ST18: variants seen among roughly 807,000 people sequenced by gnomAD.
ST18 encodes suppression of tumorigenicity 18 protein.
ST18 carries 50 observed loss-of-function variants against 110.0 expected under a neutral mutation model. That is an observed-to-expected ratio of 0.45 (90% CI 0.36 to 0.58). The LOEUF (loss-of-function observed/expected upper bound fraction) is 0.58. ST18 is among the 20% of genes least tolerant of loss of function. The probability of loss-of-function intolerance (pLI) is 0.00; values close to 1 mark genes in which losing one functional copy is unlikely to be tolerated. For missense variants in ST18, 1,306 were observed against 1,280.1 expected (o/e 1.02, Z -0.31); for synonymous variants, 461 against 452.4 (o/e 1.02, Z -0.24).
At chr8:52,137,619 T>A in intron 17 of ST18, 136 bp from the exon 18 acceptor site, 1 of 746,244 alleles carries the variant, frequency 1.3e-6, no homozygotes, top group Admixed American at 2.9e-5. Context: ...GAAGCTAGTG[T>A]ACCAAGGATT....
intron 18 of ST18, among the ~76,000 whole-genome samples, chr8:52,136,897 C>T (rs1174267130): frequency 6.6e-6 from 1 of 151,838 alleles, no homozygotes; most frequent in African/African-American, 2.4e-5. Context: ...CCCAATGAGA[C>T]CCCCCAACTC....
At chr8:52,132,929 C>G in intron 21 of ST18, 128 bp downstream of exon 21, 3 of 1,036,042 alleles carry the variant, frequency 2.9e-6, no homozygotes, top group Non-Finnish European at 4.3e-6. Flanking sequence ...TAGTTTGACT[C>G]TTGCTTATAT....
intron 5 of ST18, among the ~76,000 whole-genome samples, chr8:52,218,212 CCTCT>C (rs918163511): frequency 2.6e-5 from 4 of 151,642 alleles, no homozygotes; most frequent in Admixed American, 6.6e-5. Flanking sequence ...TTATAATATA[CCTCT>C]CTCTCTATAT....
chr8:52,253,670 C>A (rs139885523), intron 2 of ST18, among the ~76,000 whole-genome samples: 1 of 152,120 alleles, frequency 6.6e-6, no homozygotes, highest in African/African-American at 2.4e-5. Flanking sequence ...TTGTGTTAAC[C>A]TCTCATCCCT....
chr8:52,357,329 C>G (rs1482828371), intron 2 of ST18, among the ~76,000 whole-genome samples: 2 of 151,784 alleles, frequency 1.3e-5, no homozygotes, highest in Non-Finnish European at 2.9e-5. Context: ...CGTTTCTTAC[C>G]AGTGACTACT....
intron 17 of ST18, among the ~76,000 whole-genome samples, chr8:52,139,080 C>T (rs924551898): frequency 2.0e-5 from 3 of 151,410 alleles, no homozygotes; most frequent in Admixed American, 6.6e-5. Flanking sequence ...CATCCCTTTT[C>T]CTGGATAAGA....
At chr8:52,158,783 A>T in intron 15 of ST18, 115 bp downstream of exon 15, 2 of 1,188,468 alleles carry the variant, frequency 1.7e-6, no homozygotes, top group Non-Finnish European at 2.4e-6. Context: ...CAGGGAGGGG[A>T]TCGCTTCAGA....
chr8:52,247,138 CTAAG>C (rs2093927393), intron 2 of ST18, among the ~76,000 whole-genome samples: 1 of 152,090 alleles, frequency 6.6e-6, no homozygotes, highest in African/African-American at 2.4e-5. Flanking sequence ...GTCCTCTGAA[CTAAG>C]TATTTTAATA....
chr8:52,135,532 C>T (rs2051715530), intron 19 of ST18, among the ~76,000 whole-genome samples: 1 of 138,324 alleles, frequency 7.2e-6, no homozygotes, highest in Non-Finnish European at 1.5e-5. Flanking sequence ...TGCACTCCAG[C>T]CTGGGCACCT....
chr8:52,409,671 T>TC lies in ST18; in HGVS notation c.-714dup, dbSNP rs1469973920. On this transcript the variant is annotated 5_prime_UTR_variant, in exon 1 of 26. It removes the in-frame stop codon of an upstream open reading frame in the 5' UTR. Transcript: ENST00000689386. ...CACCCACAGTTACCTCAATTATTTT[T>TC]CTCTCCTTACCTCTAGTATTCCCCT... 1 of 152,230 alleles carries TC rather than the reference T, an allele frequency of 6.6e-6. No individual in the cohort carries two copies. The highest frequency in any genetic ancestry group is 2.4e-5 in the African/African-American group (1 of 41,442). The allele number at this position is 152,230 out of a possible 1,614,324, so 9.4% of individuals were successfully genotyped here.
rs2086843878 is a variant in ST18, at chr8:52,221,803, A to T, written c.-418-10T>A. The T allele has an allele frequency of 6.6e-6, 1 of 152,118 alleles. No individual in the cohort carries two copies. Among genetic ancestry groups the T allele is most frequent in the Non-Finnish European group, 1.5e-5 (1 of 68,026 alleles). 9.4% of individuals were successfully genotyped at this position (152,118 alleles called of 1,614,324 possible). ...TCAGCAACTGTAGTTCCTGGGGAAA[A>T]ATGGAGATAAAACTCTCAAGTGATA... On this transcript the variant is annotated splice_polypyrimidine_tract_variant and intron_variant, in intron 3 of 25. Transcript: ENST00000689386.
chr8:52,180,323 T>A lies in ST18; in HGVS notation c.87-11A>T, dbSNP rs746088845. The A allele has an allele frequency of 6.2e-7, 1 of 1,613,174 alleles. No homozygotes were observed. Among genetic ancestry groups the A allele is most frequent in the South Asian group, 1.1e-5 (1 of 91,050 alleles). On this transcript the variant is annotated splice_polypyrimidine_tract_variant and intron_variant, in intron 8 of 25. Transcript: ENST00000689386. Reference sequence around the variant, plus strand: ...CAATCATAGGCAACACTGTAGTGATTGAGGAAAATTAAGAATATGGTAAAT... The same window carrying A: ...CAATCATAGGCAACACTGTAGTGATAGAGGAAAATTAAGAATATGGTAAAT...
chr8:52,371,813 C>G (rs1229898162), intron 2 of ST18, among the ~76,000 whole-genome samples: 1 of 152,162 alleles, frequency 6.6e-6, no homozygotes, highest in Non-Finnish European at 1.5e-5. Flanking sequence ...CAATGCATGC[C>G]TCACGTGGGG....
chr8:52,329,906 A>T (rs573971786), intron 2 of ST18, among the ~76,000 whole-genome samples: 13 of 152,300 alleles, frequency 8.5e-5, no homozygotes, highest in African/African-American at 3.1e-4. Context: ...AGGATCAGCC[A>T]TCTGTTTTCG....
intron 3 of ST18, among the ~76,000 whole-genome samples, chr8:52,226,535 G>T (rs2089483265): frequency 6.6e-6 from 1 of 152,128 alleles, no homozygotes; most frequent in Admixed American, 6.5e-5. Context: ...AACCAATCAG[G>T]TATGAAGCCC....
intron 16 of ST18, among the ~76,000 whole-genome samples, chr8:52,145,062 T>C (rs2056767689): frequency 6.6e-6 from 1 of 151,996 alleles, no homozygotes; most frequent in Non-Finnish European, 1.5e-5. Context: ...CTGATTTTTT[T>C]TTTTTTTTAA....
intron 2 of ST18, among the ~76,000 whole-genome samples, chr8:52,387,389 T>TTGTTCCACTAGAG (rs1837250952): frequency 6.6e-6 from 1 of 152,194 alleles, no homozygotes; most frequent in Non-Finnish European, 1.5e-5. Flanking sequence ...ACCAATATGT[T>TTGTTCCACTAGAG]TGTTCCACTA....
chr8:52,319,316 A>G (rs1234611474), intron 2 of ST18, among the ~76,000 whole-genome samples: 3 of 152,278 alleles, frequency 2.0e-5, no homozygotes, highest in South Asian at 4.1e-4. Flanking sequence ...TAACCATGCC[A>G]TTCAAATCCT....
intron 2 of ST18, among the ~76,000 whole-genome samples, chr8:52,399,068 G>C (rs1420805652): frequency 6.6e-6 from 1 of 151,884 alleles, no homozygotes; most frequent in Non-Finnish European, 1.5e-5. Context: ...AACTGGTCCT[G>C]GGCTTTTTTG....
Sources: allele counts gnomAD v4.1 joint callset (sites outside exome capture counted in the v4.1 genomes callset), GRCh38; gene constraint gnomAD v4.1.1; transcripts MANE v1.5; gene names NCBI Gene and HGNC (gene_info 2026-07-23, HGNC 2026-07-21).